SCRIB: variants seen among roughly 807,000 people sequenced by gnomAD.
The protein encoded by SCRIB is scribble planar cell polarity protein.
Under a neutral mutation model 170.0 loss-of-function variants are expected in SCRIB, and 72 were observed. That is an observed-to-expected ratio of 0.42 (90% CI 0.35 to 0.52). The LOEUF is 0.52. Ranked by LOEUF, SCRIB falls within the 20% of genes least tolerant of loss-of-function variation. SCRIB has a pLI of 0.02. For synonymous variants in SCRIB, 1,298 were observed against 1,044.3 expected, an observed-to-expected ratio of 1.24 and a Z score of -4.68; for missense variants, 2,475 against 2,338.5, an observed-to-expected ratio of 1.06 and a Z score of -1.20.
chr8:143,806,354 T>C (rs957705719), intron 18 of SCRIB, 53 bp downstream of exon 18: 13 of 1,406,422 alleles, frequency 9.2e-6, no homozygotes, highest in East Asian at 2.4e-5. Context: ...CCAGGGACCA[T>C]GTACCTCCAG....
chr8:143,802,050 G>A (rs1815196409), intron 24 of SCRIB, among the ~76,000 whole-genome samples: 1 of 152,250 alleles, frequency 6.6e-6, no homozygotes, highest in Admixed American at 6.5e-5. Context: ...AACTTCACGA[G>A]TAAATATATC....
intron 33 of SCRIB, 24 bp downstream of exon 33, chr8:143,791,967 C>CT (rs782756597): frequency 1.2e-5 from 18 of 1,488,094 alleles, no homozygotes; most frequent in Non-Finnish European, 1.5e-5. Context: ...GGCTGACCCC[C>CT]CCGACCTGCC....
At chr8:143,807,118 T>A in intron 16 of SCRIB, 105 bp from the exon 17 acceptor site, 1 of 842,834 alleles carries the variant, frequency 1.2e-6, no homozygotes, top group Non-Finnish European at 1.9e-6. Flanking sequence ...GGCTTTTCTC[T>A]AGGCAGCTGA....
In SCRIB at chr8:143,810,725, T is replaced by C. The variant is rs373098724; in HGVS notation, c.1365A>G (p.Ile455Met). The C allele has an allele frequency of 3.7e-6, 6 of 1,608,848 alleles. No homozygotes were observed. The highest frequency in any genetic ancestry group is 5.1e-6 in the Non-Finnish European group (6 of 1,177,616). ...CAGCTTCCTCAGCGTCCTCATCACC[T>C]ATGGGGGCCTCCAGGAACTGGATGA... ...VSVIQFLEAP[I>M]GDEDAEEAAA... Residue 455 changes from isoleucine (I) to methionine (M), a missense_variant, in exon 12 of 37, where the codon ATA becomes ATG. This residue lies in a region of SCRIB where 1,966 missense variants were observed against 1,742.9 expected (regional missense o/e 1.13). Transcript: ENST00000356994.
chr8:143,792,397 G>A lies in SCRIB; in HGVS notation c.4337C>T (p.Pro1446Leu), dbSNP rs782701656. 28 of 1,503,010 alleles carry A rather than the reference G, an allele frequency of 1.9e-5. No homozygotes were observed. In the African/African-American group the frequency reaches 2.6e-4, roughly 14 times the overall value. The allele number at this position is 1,503,010 out of a possible 1,614,324, so 93.1% of individuals were successfully genotyped here. Residue 1446 changes from proline (P) to leucine (L), a missense_variant, in exon 32 of 37, where the codon CCG (proline) becomes CTG (leucine). Transcript: ENST00000356994. ...ACCTCCCAGGGGTGGGGGGGACGCC[G>A]GGCTCTGCCTGGGGAAGGGACAGGA... ...ASPSPTSRQS[P>L]ASPPPLGGGA...
rs778883813 is a variant in SCRIB, at chr8:143,813,357, A to C, written c.521T>G (p.Val174Gly). 6 of 1,613,574 alleles carry C rather than the reference A, an allele frequency of 3.7e-6. No homozygotes were observed. Among genetic ancestry groups the C allele is most frequent in the Non-Finnish European group, 5.1e-6 (6 of 1,180,008 alleles). The part of the protein sequence containing the change: ...KSLPASLSFL[V>G]KLEQLDLGGN... ...TCCCAGATCCAGCTGTTCCAGCTTG[A>C]CCAGAAATGACAGGGACCTGCAGAG... is the stretch of plus-strand genomic sequence containing the variant. Residue 174 changes from valine (V) to glycine (G), a missense_variant, in exon 6 of 37, where the codon GTC (valine) becomes GGC (glycine). Val to Gly is a moderately radical substitution (Grantham distance 109). Around this residue, in one of 3 missense-constraint regions of SCRIB, gnomAD observed 487 missense variants for 558.1 expected, o/e 0.87. Coordinates refer to ENST00000356994, the MANE Select transcript of SCRIB (RefSeq NM_182706.5).
Position 143,808,594 on chromosome 8 carries a change from G to A in SCRIB, c.2115+15C>T. 6.7e-7 allele frequency: 1 copy of A among 1,502,028 alleles called. No homozygotes were observed. Among genetic ancestry groups the A allele is most frequent in the Non-Finnish European group, 8.9e-7 (1 of 1,126,404 alleles). The allele number at this position is 1,502,028 out of a possible 1,614,324, so 93.0% of individuals were successfully genotyped here. A position where few individuals can be genotyped will look rare whatever the true frequency, so the allele number is the denominator to read the frequency against. On this transcript the variant is annotated intron_variant, in intron 15 of 36. Transcript: ENST00000356994. ...AGGGGAATCTGGGTCAGGCAGGGGT[G>A]AGGCTGACACCAACCTTGACAGAGG... is the stretch of plus-strand genomic sequence containing the variant.
At chr8:143,806,890 T>C (rs202221350) in intron 17 of SCRIB, 34 bp downstream of exon 17, 32 of 1,451,944 alleles carry the variant, frequency 2.2e-5, no homozygotes, top group Admixed American at 9.0e-5. Flanking sequence ...GGCAGGCCAG[T>C]GGCAGCGGAA....
At position 143,805,257 on chromosome 8, in the gene SCRIB, C is replaced by A. The variant is rs1027408351; in HGVS notation, c.2525G>T (p.Gly842Val). ...DDYSPRERRG[G>V]GLRLPLLPPE... is the part of the protein sequence containing the mutation. ...CGGGAGCAGGGGCAGGCGCAGCCCCCCTCCCCGCCGCTCTCGGGGGCTGTA... is the reference window on the plus strand; with the variant it reads ...CGGGAGCAGGGGCAGGCGCAGCCCCACTCCCCGCCGCTCTCGGGGGCTGTA... Residue 842 changes from glycine to valine, a missense_variant, in exon 19 of 37, where the codon GGG (glycine) becomes GTG (valine). Gly to Val is a moderately radical substitution (Grantham distance 109, BLOSUM62 -3). Transcript: ENST00000356994. 2.0e-6 allele frequency: 3 copies of A among 1,532,228 alleles called. No homozygotes were observed. Among genetic ancestry groups the A allele is most frequent in the South Asian group, 2.4e-5 (2 of 83,468 alleles). The allele number at this position is 1,532,228 out of a possible 1,614,324, so 94.9% of individuals were successfully genotyped here. A position where few individuals can be genotyped will look rare whatever the true frequency, so the allele number is the denominator to read the frequency against.
At position 143,814,781 on chromosome 8, in the gene SCRIB, A is replaced by G. The variant is rs886881456; in HGVS notation, c.159+433T>C. 6.4e-4 allele frequency: 116 copies of G among 180,138 alleles called. 1 individual carries two copies. Among genetic ancestry groups the G allele is most frequent in the Non-Finnish European group, 1.7e-4 (15 of 86,892 alleles). The allele number at this position is 180,138 out of a possible 1,614,324, so 11.2% of individuals were successfully genotyped here. A position where few individuals can be genotyped will look rare whatever the true frequency, so the allele number is the denominator to read the frequency against. ...GAAGCAAGGGTAAAGAAAGGGGGAC[A>G]GCGAACAGATCCGAGAGCAAAGAGT... On this transcript the variant is annotated intron_variant, in intron 1 of 36. Coordinates refer to ENST00000356994, the MANE Select transcript of SCRIB (RefSeq NM_182706.5).
chr8:143,797,888 C>T (rs1470857690), intron 24 of SCRIB, among the ~76,000 whole-genome samples: 1 of 152,268 alleles, frequency 6.6e-6, no homozygotes, highest in Non-Finnish European at 1.5e-5. Flanking sequence ...ATGAATAGGG[C>T]TGAGTGTCAG....
In SCRIB at chr8:143,791,663, T is replaced by C. The variant is rs782498175; in HGVS notation, c.4770+3A>G. 2 of 1,604,612 alleles carry C rather than the reference T, an allele frequency of 1.2e-6. No individual in the cohort carries two copies. The highest frequency in any genetic ancestry group is 2.2e-5 in the East Asian group (1 of 44,578). On this transcript the variant is annotated splice_donor_region_variant and intron_variant, in intron 35 of 36. Transcript: ENST00000356994. Reference sequence around the variant, plus strand: ...GGCATGCAGAGGCCTGGAGGCCAGGTACCTGGATGTCATAGACAGGTCTGG... The same window carrying C: ...GGCATGCAGAGGCCTGGAGGCCAGGCACCTGGATGTCATAGACAGGTCTGG...
intron 34 of SCRIB, 44 bp downstream of exon 34, chr8:143,791,832 C>CCA (rs1554632769): frequency 6.5e-6 from 10 of 1,526,818 alleles, no homozygotes; most frequent in East Asian, 4.7e-5. Flanking sequence ...ACCCCACCCC[C>CCA]ATGCCTCGGG....
chr8:143,808,859 G>C lies in SCRIB; in HGVS notation c.1865C>G (p.Pro622Arg), dbSNP rs1554637310. ...CTGCAGCAGAGCCACAACGGCCTCGGGCTGGGGCAGCTTGGAGATCTTGAA... is the reference window on the plus strand; with the variant it reads ...CTGCAGCAGAGCCACAACGGCCTCGCGCTGGGGCAGCTTGGAGATCTTGAA... Reference protein sequence around the residue: ...KHFKISKLPQPEAVVALLQGM... With the variant: ...KHFKISKLPQREAVVALLQGM... The change falls in exon 15 of 37, where the codon CCC (proline) becomes CGC (arginine). Residue 622 changes from proline (P) to arginine (R), a missense_variant. Around this residue, in one of 3 missense-constraint regions of SCRIB, gnomAD observed 1,966 missense variants for 1,742.9 expected, o/e 1.13. Coordinates refer to ENST00000356994, the MANE Select transcript of SCRIB (RefSeq NM_182706.5). 6.2e-7 allele frequency: 1 copy of C among 1,610,420 alleles called. No individual in the cohort carries two copies. Among genetic ancestry groups the C allele is most frequent in the Non-Finnish European group, 8.5e-7 (1 of 1,179,936 alleles).
At chr8:143,797,813 A>C (rs1398471351) in intron 24 of SCRIB, among the ~76,000 whole-genome samples, 1 of 152,276 alleles carries the variant, frequency 6.6e-6, no homozygotes, top group Non-Finnish European at 1.5e-5. Flanking sequence ...GCGGTGGCCA[A>C]GCCCCACAGG....
At position 143,803,780 on chromosome 8, in the gene SCRIB, G is replaced by A; in HGVS notation, c.3281C>T (p.Ala1094Val). 1 of 1,602,394 alleles carries A rather than the reference G, an allele frequency of 6.2e-7. No individual in the cohort carries two copies. Among genetic ancestry groups the A allele is most frequent in the Non-Finnish European group, 8.5e-7 (1 of 1,179,404 alleles). ...ELSLLVRRDP[A>V]PPGLRELCIQ... is the part of the protein sequence containing the mutation. ...GCACAGTTCCCGTAGGCCCGGGGGT[G>A]CCGGGTCCCTCCGCACCAGCAGCGA... Residue 1094 changes from alanine (A) to valine (V), a missense_variant, in exon 23 of 37, where the codon GCA (alanine) becomes GTA (valine). Ala to Val is a moderately conservative substitution (Grantham distance 64). Transcript: ENST00000356994.
chr8:143,813,008 G>A (rs775538005), intron 7 of SCRIB, 22 bp downstream of exon 7: 5 of 1,609,162 alleles, frequency 3.1e-6, no homozygotes, highest in Non-Finnish European at 4.2e-6. Context: ...CGAAGCAGGG[G>A]GCCAGCCCCA....
intron 28 of SCRIB, chr8:143,793,608 G>C (rs570352190): frequency 1.2e-3 from 481 of 415,300 alleles, no homozygotes; most frequent in Non-Finnish European, 1.8e-3. Context: ...GGATAAGGTG[G>C]GCCCTGGGAG....
Position 143,809,693 on chromosome 8 carries a change from C to T in SCRIB, c.1556G>A (p.Gly519Asp). 1 of 1,610,088 alleles carries T rather than the reference C, an allele frequency of 6.2e-7. No individual in the cohort carries two copies. The highest frequency in any genetic ancestry group is 8.5e-7 in the Non-Finnish European group (1 of 1,179,814). The stretch of plus-strand genomic sequence containing the variant: ...AGATGGGCGAGAGTCTTCACTCAGG[C>T]CAGACTCGGCACTCAGCCGCTTCTC... ...EEEKRLSAES[G>D]LSEDSRPSAS... Residue 519 changes from glycine (G) to aspartate (D), a missense_variant, in exon 14 of 37, where the codon GGC (glycine) becomes GAC (aspartate). Physicochemically the swap from Gly to Asp is moderately conservative, Grantham distance 94. Transcript: ENST00000356994.
Sources: gnomAD v4.1 joint callset for allele counts (sites outside exome capture counted in the v4.1 genomes callset) on GRCh38, gnomAD v4.1.1 for gene constraint, gnomAD v4.1.1 regional missense constraint, MANE v1.5 for transcripts, NCBI Gene and HGNC (gene_info 2026-07-23, HGNC 2026-07-21) for gene names.